The following CHAF1B variants were observed in gnomAD, a reference collection of about 807,000 sequenced individuals.
CHAF1B encodes the protein CAF-1 subunit B.
CHAF1B carries 10 observed loss-of-function variants against 60.7 expected under a neutral mutation model. The observed-to-expected ratio is 0.16, with a 90% CI of 0.10 to 0.28. The LOEUF (loss-of-function observed/expected upper bound fraction) is 0.28, where lower values mean the gene tolerates loss of function less well. Among genes scored for constraint, CHAF1B ranks in the 10% least tolerant of loss-of-function variants. CHAF1B has a pLI of 1.00. For missense variants in CHAF1B, 558 were observed against 708.4 expected, an observed-to-expected ratio of 0.79 and a Z score of 2.41; for synonymous variants, 261 against 266.1, an observed-to-expected ratio of 0.98 and a Z score of 0.19.
chr21:36,412,230 CCT>C (rs1157729634), intron 11 of CHAF1B, among the ~76,000 whole-genome samples: 1 of 152,186 alleles, frequency 6.6e-6, no homozygotes, highest in Non-Finnish European at 1.5e-5. Context: ...GGGAGGAAGC[CCT>C]TCCCTGCATG....
At chr21:36,392,945 T>C (rs1601557902) in intron 4 of CHAF1B, among the ~76,000 whole-genome samples, 1 of 152,146 alleles carries the variant, frequency 6.6e-6, no homozygotes, top group African/African-American at 2.4e-5. Context: ...TGAGTGAGAC[T>C]CTGTCTGCAA....
intron 5 of CHAF1B, among the ~76,000 whole-genome samples, chr21:36,396,221 A>G (rs1398378471): frequency 6.6e-6 from 1 of 151,372 alleles, no homozygotes; most frequent in Non-Finnish European, 1.5e-5. Context: ...GCTGGTCCCA[A>G]ACTCCTGACT....
At chr21:36,394,304 C>T (rs528479037) in intron 4 of CHAF1B, among the ~76,000 whole-genome samples, 45 of 151,942 alleles carry the variant, frequency 3.0e-4, no homozygotes, top group African/African-American at 9.9e-4. Flanking sequence ...CTCGATCTCC[C>T]GACCTTGTGA....
At chr21:36,402,327 G>C (rs1367365906) in intron 7 of CHAF1B, among the ~76,000 whole-genome samples, 2 of 152,076 alleles carry the variant, frequency 1.3e-5, no homozygotes, top group Non-Finnish European at 2.9e-5. Flanking sequence ...AGTGCATTCA[G>C]TTGGAAATTC....
intron 7 of CHAF1B, 134 bp from the exon 8 acceptor site, chr21:36,402,624 G>A: frequency 1.5e-6 from 1 of 676,446 alleles, no homozygotes; most frequent in East Asian, 2.5e-5. Context: ...ATGACACTAT[G>A]TAAAGAAAAC....
chr21:36,411,384 G>C (rs1338879383), intron 10 of CHAF1B, 79 bp from the exon 11 acceptor site: 2 of 1,564,136 alleles, frequency 1.3e-6, no homozygotes, highest in Middle Eastern at 2.3e-4. Context: ...AAAGTGCTGG[G>C]ATTCTAGGCG....
chr21:36,416,508 C>T lies in CHAF1B; in HGVS notation c.*142C>T. 1 of 560,422 alleles carries T rather than the reference C, an allele frequency of 1.8e-6. No homozygotes were observed. The highest frequency in any genetic ancestry group is 2.8e-5 in the East Asian group (1 of 35,364). The allele number at this position is 560,422 out of a possible 1,614,324, so 34.7% of individuals were successfully genotyped here. On this transcript the variant is annotated 3_prime_UTR_variant, in exon 14 of 14. Coordinates refer to ENST00000314103, the MANE Select transcript of CHAF1B (RefSeq NM_005441.3). ...TTCTATAACAGAAGTGACATGTGTA[C>T]TGATTTTTCTCCAGAAATATGGATG...
Position 36,413,052 on chromosome 21 carries a change from G to T in CHAF1B, c.1230G>T (p.Ser410=). 1 of 1,614,114 alleles carries T rather than the reference G, an allele frequency of 6.2e-7. No individual in the cohort carries two copies. The highest frequency in any genetic ancestry group is 8.5e-7 in the Non-Finnish European group (1 of 1,180,028). ...AGAGTCAGACACATCGAGGGTCTTC[G>T]CCAGGACCCAGACCGGTAGAGGGAA... The part of the protein sequence containing the change: ...KTKSQTHRGS[S]PGPRPVEGTP... The change falls in exon 12 of 14, where the codon TCG becomes TCT. Residue 410 remains serine (S), a synonymous_variant. Transcript: ENST00000314103.
chr21:36,402,953 T>TG (rs1258459474), intron 8 of CHAF1B, 102 bp downstream of exon 8: 1 of 985,322 alleles, frequency 1.0e-6, no homozygotes, highest in East Asian at 2.4e-5. Context: ...CTGATTAGAG[T>TG]GGGGGTCCCC....
At chr21:36,410,674 CTT>C (rs59272936) in intron 10 of CHAF1B, among the ~76,000 whole-genome samples, 7 of 141,854 alleles carry the variant, frequency 4.9e-5, no homozygotes, top group Admixed American at 1.4e-4. Flanking sequence ...TTGCTGCTTT[CTT>C]TTTTTTTTTT....
chr21:36,391,010 G>A (rs1195017933), intron 3 of CHAF1B, among the ~76,000 whole-genome samples: 1 of 152,202 alleles, frequency 6.6e-6, no homozygotes, highest in Non-Finnish European at 1.5e-5. Context: ...TAAGTGACTT[G>A]CTGAAGGTTT....
intron 1 of CHAF1B, among the ~76,000 whole-genome samples, 158 bp downstream of exon 1, chr21:36,385,609 C>A (rs1234317609): frequency 6.6e-6 from 1 of 151,718 alleles, no homozygotes; most frequent in African/African-American, 2.4e-5. Context: ...CCCGCGCGGC[C>A]TCCTCCCGGC....
chr21:36,399,540 A>G lies in CHAF1B; in HGVS notation c.598A>G (p.Ile200Val), dbSNP rs1569124473. The G allele has an allele frequency of 1.9e-6, 3 of 1,614,016 alleles. No homozygotes were observed. The highest frequency in any genetic ancestry group is 1.7e-5 in the Admixed American group (1 of 59,996). The change falls in exon 7 of 14, where the codon ATA becomes GTA. Residue 200 changes from isoleucine (I) to valine (V), a missense_variant. Coordinates refer to ENST00000314103, the MANE Select transcript of CHAF1B (RefSeq NM_005441.3). The stretch of plus-strand genomic sequence containing the variant: ...CTTCAGGGTGCTGCGAGTATACAGT[A>G]TACAGAAGAAGCGTGTGGCTTTCAA... ...SCDRVLRVYSIQKKRVAFNVS... is the reference protein window; with the variant it reads ...SCDRVLRVYSVQKKRVAFNVS...
In CHAF1B at chr21:36,404,309, C is replaced by T. The variant is rs1445963178; in HGVS notation, c.757+1458C>T. On this transcript the variant is annotated intron_variant, in intron 8 of 13. Coordinates refer to ENST00000314103, the MANE Select transcript of CHAF1B (RefSeq NM_005441.3). ...AGAGACGGGGTTTCACCATGTTGGT[C>T]AGGCTGGTCTCAAACTCCTGACCTT... 8.0e-5 allele frequency among the ~76,000 whole-genome samples: 12 copies of T among 150,726 alleles called. No homozygotes were observed. In the South Asian group the frequency reaches 8.3e-4, roughly 10 times the overall value.
Position 36,397,392 on chromosome 21 carries a change from G to A in CHAF1B, c.482-23G>A, listed in dbSNP as rs551246371. The A allele has an allele frequency of 2.0e-5, 25 of 1,220,172 alleles. No homozygotes were observed. The South Asian group carries it at 2.7e-4, about 13-fold the overall frequency. 75.6% of individuals were successfully genotyped at this position (1,220,172 alleles called of 1,614,324 possible). ...GGTTTTGGTAATGCTGTTTTGGTGC[G>A]TGTGTGTGTGTTTTTTTTGTAGGAC... On this transcript the variant is annotated intron_variant, in intron 5 of 13. Coordinates refer to ENST00000314103, the MANE Select transcript of CHAF1B (RefSeq NM_005441.3).
At chr21:36,411,355 C>A (rs959611330) in intron 10 of CHAF1B, 108 bp from the exon 11 acceptor site, 8 of 1,316,764 alleles carry the variant, frequency 6.1e-6, no homozygotes, top group South Asian at 1.3e-5. Context: ...CTCAAGTGAT[C>A]CACCCGGCTC....
intron 8 of CHAF1B, among the ~76,000 whole-genome samples, chr21:36,404,186 C>T (rs1038794394): frequency 4.0e-5 from 6 of 150,574 alleles, no homozygotes; most frequent in African/African-American, 7.3e-5. Flanking sequence ...CTGCAGCCTC[C>T]GCCTCCCAGT....
intron 4 of CHAF1B, among the ~76,000 whole-genome samples, chr21:36,394,223 T>C (rs1239237243): frequency 6.6e-6 from 1 of 152,026 alleles, no homozygotes; most frequent in Non-Finnish European, 1.5e-5. Flanking sequence ...TCTGCAGGTG[T>C]GCACCACCAC....
At chr21:36,407,573 TG>T (rs1212092011) in intron 8 of CHAF1B, among the ~76,000 whole-genome samples, 2 of 152,206 alleles carry the variant, frequency 1.3e-5, no homozygotes, top group Non-Finnish European at 2.9e-5. Flanking sequence ...TACATGTGAT[TG>T]AGTTATAACT....
Sources: allele counts gnomAD v4.1 joint callset (sites outside exome capture counted in the v4.1 genomes callset), GRCh38; gene constraint gnomAD v4.1.1; transcripts MANE v1.5; gene names NCBI Gene and HGNC (gene_info 2026-07-23, HGNC 2026-07-21).